LIPI: variants seen among roughly 807,000 people sequenced by gnomAD.
LIPI encodes lipase I, also known as lipase member I.
Under a neutral mutation model 50.6 loss-of-function variants are expected in LIPI, and 59 were observed. That is an observed-to-expected ratio of 1.16 (90% CI 0.94 to 1.45). LIPI has a LOEUF of 1.45. LIPI is among the 40% of genes most tolerant of loss of function. The pLI, the probability that LIPI is intolerant of heterozygous loss-of-function variation, is 0.00. For missense variants in LIPI, 586 were observed against 536.3 expected (o/e 1.09, Z -0.92); for synonymous variants, 203 against 178.2 (o/e 1.14, Z -1.11).
In LIPI at chr21:14,163,453, C is replaced by T. The variant is rs963427960; in HGVS notation, c.972G>A (p.Val324=). 7 of 1,568,980 alleles carry T rather than the reference C, an allele frequency of 4.5e-6. No homozygotes were observed. Among genetic ancestry groups the T allele is most frequent in the Non-Finnish European group, 6.1e-6 (7 of 1,139,394 alleles). ...GATATGTACCACTTGTATCCAAAAA[C>T]ACAGTGGTCCTAAGAGGTCTTCCTT... The part of the protein sequence containing the change: ...RMEGRPLRTT[V]FLDTSGTYPF... Residue 324 remains valine (V), a synonymous_variant, in exon 7 of 10, where the codon GTG becomes GTA. Transcript: ENST00000681601.
At chr21:14,184,665 T>TA (rs1487057978) in intron 3 of LIPI, among the ~76,000 whole-genome samples, 2 of 152,220 alleles carry the variant, frequency 1.3e-5, no homozygotes, top group African/African-American at 4.8e-5. Context: ...GGTGGCCTTT[T>TA]AGTACCTGAT....
intron 1 of LIPI, among the ~76,000 whole-genome samples, chr21:14,195,469 A>AC (rs2019813564): frequency 6.6e-6 from 1 of 152,170 alleles, no homozygotes; most frequent in Non-Finnish European, 1.5e-5. Context: ...AAGAGAACTT[A>AC]GAGTCATCCT....
At chr21:14,183,054 A>C (rs2019327616) in intron 3 of LIPI, among the ~76,000 whole-genome samples, 1 of 152,308 alleles carries the variant, frequency 6.6e-6, no homozygotes, top group East Asian at 1.9e-4. Context: ...TGGAGGCATC[A>C]TGCTACCTGA....
intron 8 of LIPI, among the ~76,000 whole-genome samples, chr21:14,145,532 T>C (rs1238016123): frequency 1.3e-5 from 2 of 152,026 alleles, no homozygotes; most frequent in Non-Finnish European, 2.9e-5. Context: ...CCAGCTACTC[T>C]ATTGCACTTT....
chr21:14,136,931 G>T (rs1256781695), intron 9 of LIPI, among the ~76,000 whole-genome samples: 1 of 152,128 alleles, frequency 6.6e-6, no homozygotes, highest in Admixed American at 6.5e-5. Context: ...GTCTCTGCTG[G>T]TAATCCAGAT....
At chr21:14,142,398 T>C (rs182946333) in intron 9 of LIPI, among the ~76,000 whole-genome samples, 142 of 151,134 alleles carry the variant, frequency 9.4e-4, no homozygotes, top group African/African-American at 3.3e-3. Flanking sequence ...AATGTCAGCA[T>C]ATTAGGTCAA....
chr21:14,111,776 T>C (rs1050114120), intron 9 of LIPI, among the ~76,000 whole-genome samples: 1 of 152,102 alleles, frequency 6.6e-6, no homozygotes, highest in African/African-American at 2.4e-5. Flanking sequence ...GTATAAGGTG[T>C]GACATAAAGG....
intron 4 of LIPI, among the ~76,000 whole-genome samples, chr21:14,172,661 AACAATGAGAACACATGGAC>A (rs2018957352): frequency 6.6e-6 from 1 of 151,988 alleles, no homozygotes; most frequent in South Asian, 2.1e-4. Flanking sequence ...GTGGGAATTG[AACAATGAGAACACATGGAC>A]ACAAGAAGGG....
At chr21:14,142,570 A>G (rs1438020833) in intron 9 of LIPI, among the ~76,000 whole-genome samples, 2 of 150,944 alleles carry the variant, frequency 1.3e-5, no homozygotes, top group African/African-American at 4.8e-5. Flanking sequence ...TGCAGCCTTG[A>G]CCTCCAGGCT....
chr21:14,154,764 C>T (rs1312335492), intron 7 of LIPI, among the ~76,000 whole-genome samples: 3 of 151,912 alleles, frequency 2.0e-5, no homozygotes, highest in Non-Finnish European at 4.4e-5. Context: ...AATATGATGT[C>T]CCAAAAGTTT....
intron 1 of LIPI, among the ~76,000 whole-genome samples, 160 bp from the exon 2 acceptor site, chr21:14,189,579 T>C (rs2123283607): frequency 6.6e-6 from 1 of 152,274 alleles, no homozygotes; most frequent in African/African-American, 2.4e-5. Flanking sequence ...AGGTAATGTA[T>C]TAATTATGTA....
chr21:14,204,035 C>T (rs900152823), intron 1 of LIPI, among the ~76,000 whole-genome samples: 9 of 150,900 alleles, frequency 6.0e-5, no homozygotes, highest in African/African-American at 2.2e-4. Context: ...GAGCTAAATG[C>T]TGAAATCACA....
At chr21:14,135,842 C>T (rs944549015) in intron 9 of LIPI, among the ~76,000 whole-genome samples, 2 of 152,116 alleles carry the variant, frequency 1.3e-5, no homozygotes. Flanking sequence ...TAAGGGAGTA[C>T]TGGCATTACC....
At chr21:14,167,123 C>A (rs1016754706) in intron 4 of LIPI, among the ~76,000 whole-genome samples, 84 of 152,308 alleles carry the variant, frequency 5.5e-4, no homozygotes, top group African/African-American at 1.9e-3. Context: ...GCACAGCAGT[C>A]TGAGATCAAA....
At chr21:14,163,359 G>T in intron 7 of LIPI, 60 bp downstream of exon 7, 2 of 797,190 alleles carry the variant, frequency 2.5e-6, no homozygotes, top group Non-Finnish European at 4.5e-6. Context: ...TGAATCAAAT[G>T]TAGATTAGTG....
chr21:14,128,052 A>G (rs2017136602), intron 9 of LIPI, among the ~76,000 whole-genome samples: 1 of 152,106 alleles, frequency 6.6e-6, no homozygotes, highest in African/African-American at 2.4e-5. Flanking sequence ...CATAGAACCA[A>G]TAACGTTGTG....
intron 9 of LIPI, chr21:14,143,934 A>C (rs910743170): frequency 6.3e-6 from 1 of 159,012 alleles, no homozygotes; most frequent in Admixed American, 6.2e-5. Flanking sequence ...GTGCCCAGAC[A>C]GTCAGGATTG....
In LIPI at chr21:14,189,164, A is replaced by C. The variant is rs1260318948; in HGVS notation, c.302T>G (p.Leu101Arg). The C allele has an allele frequency of 6.2e-7, 1 of 1,614,156 alleles. No individual in the cohort carries two copies. Among genetic ancestry groups the C allele is most frequent in the South Asian group, 1.1e-5 (1 of 91,088 alleles). The change falls in exon 2 of 10, where the codon CTG (leucine) becomes CGG (arginine). Residue 101 changes from leucine to arginine, a missense_variant. Coordinates refer to ENST00000681601, the MANE Select transcript of LIPI (RefSeq NM_001302998.2). ...AATTACATTCATATCTTCTTCATTCAGCAAAATCCTTACGAAGTTCTGAAG... is the reference window on the plus strand; with the variant it reads ...AATTACATTCATATCTTCTTCATTCCGCAAAATCCTTACGAAGTTCTGAAG... ...LWLQNFVRIL[L>R]NEEDMNVIVV...
Position 14,144,717 on chromosome 21 carries a change from C to A in LIPI, c.1201G>T (p.Gly401Cys). Residue 401 changes from glycine to cysteine, a missense_variant, in exon 9 of 10, where the codon GGT becomes TGT. Transcript: ENST00000681601. Reference sequence around the variant, plus strand: ...TTTGAGCTCTGGAAATATGTCAAACCAATGCTTGAAATATTTACAAAGTCA... The same window carrying A: ...TTTGAGCTCTGGAAATATGTCAAACAAATGCTTGAAATATTTACAAAGTCA... ...YNDFVNISSI[G>C]LTYFQSSNLQ... 6.4e-6 allele frequency: 10 copies of A among 1,562,736 alleles called. No homozygotes were observed. The highest frequency in any genetic ancestry group is 8.8e-6 in the Non-Finnish European group (10 of 1,133,990).
Sources: gnomAD v4.1 joint callset for allele counts (sites outside exome capture counted in the v4.1 genomes callset) on GRCh38, gnomAD v4.1.1 for gene constraint, MANE v1.5 for transcripts, NCBI Gene and HGNC (gene_info 2026-07-23, HGNC 2026-07-21) for gene names.